Variants in ZNF704 observed in about 807,000 individuals in gnomAD.
ZNF704 encodes the protein zinc finger protein 704.
Under a neutral mutation model 44.7 loss-of-function variants are expected in ZNF704, and 10 were observed. That is an observed-to-expected ratio of 0.22 (90% confidence interval 0.14 to 0.38). The LOEUF (loss-of-function observed/expected upper bound fraction) is 0.38, where lower values mean the gene tolerates loss of function less well. ZNF704 is among the 10% of genes least tolerant of loss of function. The pLI, the probability that ZNF704 is intolerant of heterozygous loss-of-function variation, is 1.00. For synonymous variants in ZNF704, 211 were observed against 207.6 expected (o/e 1.02, Z -0.14); for missense variants, 390 against 545.5 (o/e 0.71, Z 2.84).
At chr8:80,745,830 A>C (rs565822922) in intron 2 of ZNF704, among the ~76,000 whole-genome samples, 78 of 152,336 alleles carry the variant, frequency 5.1e-4, no homozygotes, top group African/African-American at 1.8e-3. Flanking sequence ...ACACGAGCTC[A>C]GAACCAAGCA....
At chr8:80,658,861 A>C (rs1373328073) in intron 7 of ZNF704, 2 of 152,226 alleles carry the variant, frequency 1.3e-5, no homozygotes, top group African/African-American at 4.8e-5. Context: ...AGAGAAAATA[A>C]GGTTAATATC....
intron 1 of ZNF704, among the ~76,000 whole-genome samples, chr8:80,869,097 TAAC>T (rs751040118): frequency 6.6e-6 from 1 of 152,224 alleles, no homozygotes. Context: ...ATGAAGTTGA[TAAC>T]AATAATGCCT....
At chr8:80,723,254 T>C (rs1806405927) in intron 2 of ZNF704, among the ~76,000 whole-genome samples, 1 of 152,226 alleles carries the variant, frequency 6.6e-6, no homozygotes, top group African/African-American at 2.4e-5. Context: ...TTTAAGACAA[T>C]TTTATTTTTT....
intron 1 of ZNF704, among the ~76,000 whole-genome samples, chr8:80,854,946 G>A (rs894487880): frequency 2.6e-5 from 4 of 152,170 alleles, no homozygotes; most frequent in Admixed American, 2.6e-4. Flanking sequence ...ATACAGGCAT[G>A]CAATGTGAAA....
At chr8:80,793,813 A>T (rs1272345295) in intron 2 of ZNF704, among the ~76,000 whole-genome samples, 1 of 152,208 alleles carries the variant, frequency 6.6e-6, no homozygotes, top group Non-Finnish European at 1.5e-5. Context: ...CTCTCTATGT[A>T]CCACAATGAA....
At chr8:80,863,426 T>G (rs1362230773) in intron 1 of ZNF704, among the ~76,000 whole-genome samples, 1 of 152,210 alleles carries the variant, frequency 6.6e-6, no homozygotes, top group Non-Finnish European at 1.5e-5. Flanking sequence ...TAGGTACCAA[T>G]TCCAATTATT....
rs187411393 is a variant in ZNF704 at position 80,634,076 on chromosome 8, G to C, written c.*7290C>G. 1 of 152,386 alleles carries C rather than the reference G, an allele frequency of 6.6e-6. No individual in the cohort carries two copies. Among genetic ancestry groups the C allele is most frequent in the East Asian group, 1.9e-4 (1 of 5,180 alleles). 9.4% of individuals were successfully genotyped at this position (152,386 alleles called of 1,614,324 possible). On this transcript the variant is annotated 3_prime_UTR_variant, in exon 9 of 9. Coordinates refer to ENST00000327835, the MANE Select transcript of ZNF704 (RefSeq NM_001033723.3). ...GGCCGGATGGAGAGGGAAGGAGTGT[G>C]GGGAGGCTGGCCAAGGGCTTTGGCA...
chr8:80,691,321 T>C (rs1818631155), intron 3 of ZNF704, among the ~76,000 whole-genome samples: 1 of 152,260 alleles, frequency 6.6e-6, no homozygotes, highest in Non-Finnish European at 1.5e-5. Flanking sequence ...TACATTTCAG[T>C]GAACTGCAAT....
At chr8:80,678,709 G>T (rs576783961) in intron 4 of ZNF704, among the ~76,000 whole-genome samples, 1 of 152,288 alleles carries the variant, frequency 6.6e-6, no homozygotes, top group African/African-American at 2.4e-5. Context: ...ACATGAAGTT[G>T]TAAGAAAAGC....
At chr8:80,641,521 A>G (rs1360277219) in intron 8 of ZNF704, 44 bp from the exon 9 acceptor site, 1 of 1,321,742 alleles carries the variant, frequency 7.6e-7, no homozygotes, top group Non-Finnish European at 1.1e-6. Flanking sequence ...GAGGAATTCA[A>G]TGGGCATTCT....
intron 1 of ZNF704, among the ~76,000 whole-genome samples, chr8:80,842,079 G>T (rs1375396104): frequency 6.6e-6 from 1 of 152,204 alleles, no homozygotes; most frequent in Non-Finnish European, 1.5e-5. Context: ...TCACAGGCAT[G>T]AGCTACTGTG....
At chr8:80,714,196 AAACCTTTTCCTGACTCTT>A (rs1429614300) in intron 2 of ZNF704, among the ~76,000 whole-genome samples, 1 of 152,212 alleles carries the variant, frequency 6.6e-6, no homozygotes, top group Non-Finnish European at 1.5e-5. Context: ...ACCAGAGGAA[AAACCTTTTCCTGACTCTT>A]GATCATCTCT....
intron 4 of ZNF704, chr8:80,673,261 T>C (rs1250281117): frequency 6.6e-6 from 1 of 152,212 alleles, no homozygotes; most frequent in Non-Finnish European, 1.5e-5. Flanking sequence ...GTGTATCCAT[T>C]TGGGGATCTG....
intron 2 of ZNF704, among the ~76,000 whole-genome samples, chr8:80,693,320 T>C (rs1226275710): frequency 6.6e-6 from 1 of 152,232 alleles, no homozygotes; most frequent in Non-Finnish European, 1.5e-5. Flanking sequence ...AAGGATTCCA[T>C]CATCCATACT....
chr8:80,783,250 G>A (rs1215681056), intron 2 of ZNF704, among the ~76,000 whole-genome samples: 1 of 152,152 alleles, frequency 6.6e-6, no homozygotes, highest in Admixed American at 6.5e-5. Flanking sequence ...ATCTAAGAAA[G>A]ACCACAACAT....
chr8:80,755,630 C>G (rs1319031140), intron 2 of ZNF704, among the ~76,000 whole-genome samples: 1 of 152,134 alleles, frequency 6.6e-6, no homozygotes, highest in Non-Finnish European at 1.5e-5. Flanking sequence ...AGGTAGAATC[C>G]AGGCATCTAT....
chr8:80,815,481 A>C (rs1286920376), intron 2 of ZNF704, among the ~76,000 whole-genome samples: 2 of 152,254 alleles, frequency 1.3e-5, no homozygotes, highest in Non-Finnish European at 1.5e-5. Flanking sequence ...AACAAATGTC[A>C]GGCTCTAATG....
At chr8:80,671,329 A>G (rs1818274908) in intron 4 of ZNF704, among the ~76,000 whole-genome samples, 1 of 152,166 alleles carries the variant, frequency 6.6e-6, no homozygotes, top group African/African-American at 2.4e-5. Context: ...GGGTTTTGCC[A>G]TGTTGCCCAG....
chr8:80,805,879 T>TG (rs1240644183), intron 2 of ZNF704, among the ~76,000 whole-genome samples: 1 of 152,190 alleles, frequency 6.6e-6, no homozygotes, highest in East Asian at 1.9e-4. Context: ...TGCACCACAC[T>TG]GGTTGCATTG....
Sources: gnomAD v4.1 joint callset for allele counts (sites outside exome capture counted in the v4.1 genomes callset) on GRCh38, gnomAD v4.1.1 for gene constraint, MANE v1.5 for transcripts, NCBI Gene and HGNC (gene_info 2026-07-23, HGNC 2026-07-21) for gene names.